Variants in CD53 observed in about 807,000 individuals in gnomAD.
The protein encoded by CD53 is leukocyte surface antigen CD53.
In CD53, 20 loss-of-function variants were observed where a neutral mutation model predicts 27.3. The ratio of observed to expected loss-of-function variants is 0.73; its 90% CI spans 0.52 to 1.07. The LOEUF (loss-of-function observed/expected upper bound fraction) is 1.07. Ranked by LOEUF, CD53 falls within the 50% of genes least tolerant of loss-of-function variation. CD53 has a pLI of 0.00. For synonymous variants in CD53, 106 were observed against 105.3 expected, an observed-to-expected ratio of 1.01 and a Z score of -0.04; for missense variants, 216 against 264.0, an observed-to-expected ratio of 0.82 and a Z score of 1.26.
intron 7 of CD53, among the ~76,000 whole-genome samples, chr1:110,898,308 C>T (rs574242385): frequency 8.2e-4 from 118 of 143,706 alleles, no homozygotes; most frequent in Non-Finnish European, 1.2e-3. Context: ...ACCTGGGAGG[C>T]GGAGCTTGTA....
upstream of CD53, among the ~76,000 whole-genome samples, chr1:110,871,814 TACACACACACAC>T (rs3068856): frequency 3.4e-5 from 5 of 145,770 alleles, no homozygotes; most frequent in South Asian, 4.5e-4. Context: ...CAAGAGAAAC[TACACACACACAC>T]ACACACACAC....
chr1:110,888,988 T>C (rs909724190), intron 1 of CD53, among the ~76,000 whole-genome samples: 3 of 152,226 alleles, frequency 2.0e-5, no homozygotes, highest in African/African-American at 4.8e-5. Flanking sequence ...TTTGTTACTG[T>C]TCTTTGGGAC....
chr1:110,883,902 T>A (rs886979134), intron 1 of CD53, among the ~76,000 whole-genome samples: 2 of 151,986 alleles, frequency 1.3e-5, no homozygotes, highest in African/African-American at 4.8e-5. Flanking sequence ...ATATTGATAA[T>A]CTTTGTTCTC....
intron 1 of CD53, among the ~76,000 whole-genome samples, chr1:110,889,392 TA>T (rs916898879): frequency 9.3e-5 from 14 of 149,902 alleles, no homozygotes; most frequent in African/African-American, 2.2e-4. Context: ...CCGTCTCTAC[TA>T]AAAAAAAATA....
chr1:110,896,694 T>G lies in CD53; in HGVS notation c.465T>G (p.Ser155Arg), dbSNP rs763843092. ...CGINGTSDWT[S>R]GPPASCPSDR... ...TAAATGGCACGAGTGATTGGACCAG[T>G]GGCCCACCAGCATCTTGCCCCTCAG... Residue 155 changes from serine (S) to arginine (R), a missense_variant, in exon 6 of 8, where the codon AGT becomes AGG. Coordinates refer to ENST00000271324, the MANE Select transcript of CD53 (RefSeq NM_000560.4). 2 of 1,613,698 alleles carry G rather than the reference T, an allele frequency of 1.2e-6. No individual in the cohort carries two copies. The highest frequency in any genetic ancestry group is 1.7e-6 in the Non-Finnish European group (2 of 1,179,808).
chr1:110,888,556 G>A (rs976548211), intron 1 of CD53, among the ~76,000 whole-genome samples: 1 of 152,206 alleles, frequency 6.6e-6, no homozygotes, highest in Non-Finnish European at 1.5e-5. Context: ...TGTTTCAGGT[G>A]AGGGGGTAAA....
rs751506241 is a variant in CD53 at position 110,892,494 on chromosome 1, C to T, written c.213C>T (p.Cys71=). 3.8e-5 allele frequency: 62 copies of T among 1,614,146 alleles called. No homozygotes were observed. The highest frequency in any genetic ancestry group is 5.3e-5 in the Non-Finnish European group (62 of 1,180,002). Residue 71 remains cysteine, a synonymous_variant, in exon 3 of 8, where the codon TGC becomes TGT. Coordinates refer to ENST00000271324, the MANE Select transcript of CD53 (RefSeq NM_000560.4). ...TCATGGTAGTTGCCTTCCTGGGCTG[C>T]ATGGGCTCTATCAAGGAAAACAAGT... is the stretch of plus-strand genomic sequence containing the variant. The part of the protein sequence containing the change: ...SIIMVVAFLG[C]MGSIKENKCL...
At chr1:110,886,866 TATA>T (rs765495789) in intron 1 of CD53, among the ~76,000 whole-genome samples, 27,850 of 84,140 alleles carry the variant, frequency 0.33, 3,877 homozygotes, top group African/African-American at 0.46. Context: ...TATATATATA[TATA>T]TTTTTTTTTT....
In CD53 at chr1:110,899,294, C is replaced by A; in HGVS notation, c.*99C>A. On this transcript the variant is annotated 3_prime_UTR_variant, in exon 8 of 8. Coordinates refer to ENST00000271324, the MANE Select transcript of CD53 (RefSeq NM_000560.4). ...ACATGATCACTGCAGGATGATCCTC[C>A]TCCCATCCTTTCCCTTTTTAGGTCC... 1.2e-6 allele frequency: 1 copy of A among 830,850 alleles called. No homozygotes were observed. The highest frequency in any genetic ancestry group is 2.0e-6 in the Non-Finnish European group (1 of 504,724). 51.5% of individuals were successfully genotyped at this position (830,850 alleles called of 1,614,324 possible). A position where few individuals can be genotyped will look rare whatever the true frequency, so the allele number is the denominator to read the frequency against.
chr1:110,894,402 G>C lies in CD53; in HGVS notation c.327+1G>C. On this transcript the variant is annotated splice_donor_variant, in intron 4 of 7. Transcript: ENST00000271324. LOFTEE classifies it high-confidence loss of function. ...CCTGCTCTTTGTATATGAACAGAAG[G>C]TAAGTTATAAAGACAACAACTTATT... is the stretch of plus-strand genomic sequence containing the variant. 2.5e-6 allele frequency: 4 copies of C among 1,611,192 alleles called. No individual in the cohort carries two copies. The highest frequency in any genetic ancestry group is 1.7e-6 in the Non-Finnish European group (2 of 1,177,306).
Position 110,887,692 on chromosome 1 carries a change from T to A in CD53, c.-17-3700T>A, listed in dbSNP as rs559821326. On this transcript the variant is annotated intron_variant, in intron 1 of 7. Coordinates refer to ENST00000271324, the MANE Select transcript of CD53 (RefSeq NM_000560.4). ...ACTGAGGCTACATCCTTCTGTGTAC[T>A]CTAGCCTGTGAATCTTGGAGTTTTC... Among the ~76,000 whole-genome samples, 3 of 152,348 alleles carry A rather than the reference T, an allele frequency of 2.0e-5. No homozygotes were observed. The East Asian group carries it at 5.8e-4, about 29-fold the overall frequency.
intron 5 of CD53, 106 bp downstream of exon 5, chr1:110,895,161 C>T: frequency 2.5e-6 from 2 of 804,870 alleles, no homozygotes; most frequent in Admixed American, 2.0e-5. Context: ...CTAAGGTCCA[C>T]ATCCCTGAAT....
chr1:110,886,869 A>ATATATTTTTTTTT (rs1298376721), intron 1 of CD53, among the ~76,000 whole-genome samples: 2 of 82,786 alleles, frequency 2.4e-5, no homozygotes, highest in African/African-American at 5.3e-5. Context: ...ATATATATAT[A>ATATATTTTTTTTT]TTTTTTTTTT....
In CD53 at chr1:110,897,855, A is replaced by C; in HGVS notation, c.551A>C (p.Tyr184Ser). 6.2e-7 allele frequency: 1 copy of C among 1,612,464 alleles called. No individual in the cohort carries two copies. The highest frequency in any genetic ancestry group is 8.5e-7 in the Non-Finnish European group (1 of 1,178,762). The change falls in exon 7 of 8, where the codon TAT becomes TCT. Residue 184 changes from tyrosine to serine, a missense_variant. By Grantham distance (144) the Tyr-to-Ser change is moderately radical. Transcript: ENST00000271324. ...ARLWFHSNFL[Y>S]IGIITICVCV... Reference sequence around the variant, plus strand: ...CTGTGGTTTCATTCCAATTTCCTGTATATCGGAATCATCACCATCTGTGTA... The same window carrying C: ...CTGTGGTTTCATTCCAATTTCCTGTCTATCGGAATCATCACCATCTGTGTA...
In CD53 at chr1:110,874,142, T is replaced by C. The variant is rs567505721; in HGVS notation, c.-18+894T>C. Among the ~76,000 whole-genome samples, 6 of 152,286 alleles carry C rather than the reference T, an allele frequency of 3.9e-5. No homozygotes were observed. The South Asian group carries it at 1.0e-3, about 26-fold the overall frequency. On this transcript the variant is annotated intron_variant, in intron 1 of 7. Coordinates refer to ENST00000271324, the MANE Select transcript of CD53 (RefSeq NM_000560.4). Reference sequence around the variant, plus strand: ...GTGAGAATTTCACTTGATTATGCCCTGGAGCAGAAAGGAGAAAGTTCTCTT... The same window carrying C: ...GTGAGAATTTCACTTGATTATGCCCCGGAGCAGAAAGGAGAAAGTTCTCTT...
intron 4 of CD53, 61 bp downstream of exon 4, chr1:110,894,462 G>A (rs759859071): frequency 1.9e-5 from 24 of 1,267,204 alleles, no homozygotes; most frequent in Non-Finnish European, 2.8e-5. Context: ...ATGCAGTGGA[G>A]AAGTTGGTAC....
intron 1 of CD53, among the ~76,000 whole-genome samples, chr1:110,873,957 T>A (rs1186422504): frequency 1.3e-5 from 2 of 152,196 alleles, no homozygotes. Flanking sequence ...ACGTATAAAA[T>A]GCAATCCCCA....
chr1:110,880,037 A>G (rs1656293250), intron 1 of CD53, among the ~76,000 whole-genome samples: 1 of 152,226 alleles, frequency 6.6e-6, no homozygotes, highest in Non-Finnish European at 1.5e-5. Flanking sequence ...TAAAGAGCAA[A>G]GTTGATCCCT....
chr1:110,899,342 T>C lies in CD53; in HGVS notation c.*147T>C. On this transcript the variant is annotated 3_prime_UTR_variant, in exon 8 of 8. Transcript: ENST00000271324. ...TCCCTGTCTTATACAACCAGAGAAG[T>C]GGGTGTTGGCCAGGCACATCCCATC... is the stretch of plus-strand genomic sequence containing the variant. 1 of 590,702 alleles carries C rather than the reference T, an allele frequency of 1.7e-6. No homozygotes were observed. Among genetic ancestry groups the C allele is most frequent in the South Asian group, 2.0e-5 (1 of 49,420 alleles). The allele number at this position is 590,702 out of a possible 1,614,324, so 36.6% of individuals were successfully genotyped here.
Sources: gnomAD v4.1 joint callset for allele counts (sites outside exome capture counted in the v4.1 genomes callset) on GRCh38, gnomAD v4.1.1 for gene constraint, MANE v1.5 for transcripts, NCBI Gene and HGNC (gene_info 2026-07-23, HGNC 2026-07-21) for gene names.